SYNDIG1: variants seen among roughly 807,000 people sequenced by gnomAD.
SYNDIG1 encodes the protein synapse differentiation inducing 1, also known as synapse differentiation-inducing gene protein 1.
Under a neutral mutation model 19.4 loss-of-function variants are expected in SYNDIG1, and 9 were observed. The observed-to-expected ratio is 0.46, with a 90% CI of 0.28 to 0.81. SYNDIG1 has a LOEUF of 0.81. Among genes scored for constraint, SYNDIG1 ranks in the 30% least tolerant of loss-of-function variants. The pLI, the probability that SYNDIG1 is intolerant of heterozygous loss-of-function variation, is 0.12. For synonymous variants in SYNDIG1, 141 were observed against 145.9 expected, an observed-to-expected ratio of 0.97 and a Z score of 0.24; for missense variants, 311 against 343.3, an observed-to-expected ratio of 0.91 and a Z score of 0.74.
intron 2 of SYNDIG1, among the ~76,000 whole-genome samples, chr20:24,554,021 T>A (rs2057761725): frequency 6.6e-6 from 1 of 152,256 alleles, no homozygotes; most frequent in Non-Finnish European, 1.5e-5. Context: ...AAGAGGTCCT[T>A]CACATGCCTT....
At chr20:24,603,337 C>T (rs541855941) in intron 3 of SYNDIG1, among the ~76,000 whole-genome samples, 3 of 152,260 alleles carry the variant, frequency 2.0e-5, no homozygotes, top group South Asian at 2.1e-4. Flanking sequence ...GTCCCCAACC[C>T]ATGGGGACTT....
intron 2 of SYNDIG1, among the ~76,000 whole-genome samples, chr20:24,557,943 G>T (rs558110238): frequency 1.3e-5 from 2 of 152,220 alleles, no homozygotes; most frequent in East Asian, 3.9e-4. Flanking sequence ...GCCGGAAGAG[G>T]GCTTTAATCA....
chr20:24,599,009 A>C (rs2058638222), intron 3 of SYNDIG1, among the ~76,000 whole-genome samples: 1 of 152,232 alleles, frequency 6.6e-6, no homozygotes, highest in Admixed American at 6.5e-5. Context: ...TAAACAGAAA[A>C]GCTTCTGCAC....
intron 1 of SYNDIG1, among the ~76,000 whole-genome samples, chr20:24,478,375 C>G (rs59893569): frequency 9.2e-5 from 14 of 152,270 alleles, no homozygotes; most frequent in African/African-American, 3.4e-4. Context: ...GGCGAGCTCC[C>G]CAGATGCCTG....
chr20:24,598,219 C>T (rs148517040), intron 3 of SYNDIG1, among the ~76,000 whole-genome samples: 203 of 152,214 alleles, frequency 1.3e-3, no homozygotes, highest in Non-Finnish European at 2.4e-3. Context: ...CATGCACTCA[C>T]GAAACAAGAA....
chr20:24,599,039 A>G (rs1050447397), intron 3 of SYNDIG1, among the ~76,000 whole-genome samples: 1 of 152,234 alleles, frequency 6.6e-6, no homozygotes, highest in Admixed American at 6.5e-5. Flanking sequence ...AATATTCAAC[A>G]GAGTAAAGAG....
rs1405569947 is a variant in SYNDIG1, at chr20:24,626,163, A to G, written c.619-39183A>G. Among the ~76,000 whole-genome samples, 11 of 53,952 alleles carry G rather than the reference A, an allele frequency of 2.0e-4. No homozygotes were observed. The East Asian group carries it at 7.8e-3, about 38-fold the overall frequency. The allele number at this position is 53,952 out of a possible 152,430, so 35.4% of individuals were successfully genotyped here. On this transcript the variant is annotated intron_variant, in intron 3 of 3. Transcript: ENST00000376862. ...TCCCGGACGGGGCGGCTGGCCGGGC[A>G]GGGGGCTGACCCCCCACCTCCCTCC...
intron 1 of SYNDIG1, among the ~76,000 whole-genome samples, chr20:24,481,863 T>C (rs2055806826): frequency 6.6e-6 from 1 of 152,242 alleles, no homozygotes; most frequent in Non-Finnish European, 1.5e-5. Context: ...AAAGCATTGA[T>C]AAATAAATAT....
intron 3 of SYNDIG1, among the ~76,000 whole-genome samples, chr20:24,613,369 C>T (rs540036316): frequency 6.6e-6 from 1 of 152,260 alleles, no homozygotes; most frequent in South Asian, 2.1e-4. Flanking sequence ...GCTCTCTGTC[C>T]TGCCGTCTCC....
chr20:24,661,566 A>G (rs961927368), intron 3 of SYNDIG1, among the ~76,000 whole-genome samples: 20 of 31,156 alleles, frequency 6.4e-4, no homozygotes, highest in Non-Finnish European at 1.1e-3. Flanking sequence ...AAAGAGAGGA[A>G]GGAGGGAGGG....
At chr20:24,508,080 C>G (rs2056641702) in intron 1 of SYNDIG1, among the ~76,000 whole-genome samples, 1 of 150,064 alleles carries the variant, frequency 6.7e-6, no homozygotes, top group South Asian at 2.1e-4. Context: ...AAAGCATAAA[C>G]CAATAAAAAA....
intron 3 of SYNDIG1, among the ~76,000 whole-genome samples, chr20:24,633,094 C>A (rs547701222): frequency 1.2e-4 from 18 of 152,100 alleles, no homozygotes; most frequent in Non-Finnish European, 2.5e-4. Context: ...ATGGGCAGAC[C>A]GTGTCGAATC....
At chr20:24,593,139 T>C (rs189136872) in intron 3 of SYNDIG1, among the ~76,000 whole-genome samples, 6 of 152,348 alleles carry the variant, frequency 3.9e-5, no homozygotes, top group African/African-American at 1.4e-4. Context: ...GGGAGTTTGA[T>C]GTACAGCTTA....
intron 1 of SYNDIG1, among the ~76,000 whole-genome samples, chr20:24,472,081 C>T (rs2055483839): frequency 6.6e-6 from 1 of 152,168 alleles, no homozygotes. Flanking sequence ...TTATGTTCAC[C>T]TATCAGAAAT....
At chr20:24,504,519 C>G (rs1417384819) in intron 1 of SYNDIG1, among the ~76,000 whole-genome samples, 2 of 152,068 alleles carry the variant, frequency 1.3e-5, no homozygotes, top group East Asian at 3.9e-4. Context: ...CCACCCTCAC[C>G]CTGGCTCTAG....
chr20:24,511,018 C>A (rs941799360), intron 1 of SYNDIG1, among the ~76,000 whole-genome samples: 17 of 152,192 alleles, frequency 1.1e-4, no homozygotes, highest in Admixed American at 5.2e-4. Context: ...CAGGAAATTC[C>A]AATTTGCCTT....
At chr20:24,564,032 C>T (rs574819154) in intron 2 of SYNDIG1, among the ~76,000 whole-genome samples, 3 of 152,120 alleles carry the variant, frequency 2.0e-5, no homozygotes, top group Non-Finnish European at 4.4e-5. Context: ...TTCTGTTCAG[C>T]GAGCAGCAGG....
intron 1 of SYNDIG1, among the ~76,000 whole-genome samples, chr20:24,517,581 T>C (rs1214549831): frequency 6.9e-6 from 1 of 144,544 alleles, no homozygotes; most frequent in African/African-American, 2.5e-5. Context: ...ATCGCGCCAC[T>C]GCACTCCAGC....
chr20:24,517,467 A>T (rs2056900090), intron 1 of SYNDIG1, among the ~76,000 whole-genome samples: 1 of 149,672 alleles, frequency 6.7e-6, no homozygotes, highest in Non-Finnish European at 1.5e-5. Context: ...TACAACAAAA[A>T]AATTAGCTGG....
Sources: allele counts gnomAD v4.1 joint callset (sites outside exome capture counted in the v4.1 genomes callset), GRCh38; gene constraint gnomAD v4.1.1; transcripts MANE v1.5; gene names NCBI Gene and HGNC (gene_info 2026-07-23, HGNC 2026-07-21).